The following ARMH4 variants were observed in gnomAD, a reference collection of about 807,000 sequenced individuals.
ARMH4 encodes armadillo-like helical domain-containing protein 4.
ARMH4 carries 49 observed loss-of-function variants against 61.9 expected under a neutral mutation model. That is an observed-to-expected ratio of 0.79 (90% CI 0.63 to 1.00). The LOEUF is 1.00. Ranked by LOEUF, ARMH4 falls within the 50% of genes least tolerant of loss-of-function variation. The pLI is 0.00. For missense variants in ARMH4, 934 were observed against 930.0 expected, an observed-to-expected ratio of 1.00 and a Z score of -0.06; for synonymous variants, 368 against 341.5, an observed-to-expected ratio of 1.08 and a Z score of -0.85.
chr14:58,007,864 A>G (rs1479503021), intron 6 of ARMH4, among the ~76,000 whole-genome samples: 1 of 152,234 alleles, frequency 6.6e-6, no homozygotes, highest in Non-Finnish European at 1.5e-5. Context: ...ATGAGAAAAC[A>G]TCCAACAAAC....
At chr14:58,049,234 G>A (rs1274841484) in intron 5 of ARMH4, among the ~76,000 whole-genome samples, 17 of 140,012 alleles carry the variant, frequency 1.2e-4, no homozygotes, top group Admixed American at 4.4e-4. Context: ...GCAAGACTCC[G>A]TCCCAAAAAA....
chr14:58,049,102 G>A (rs1477515463), intron 5 of ARMH4, among the ~76,000 whole-genome samples: 1 of 151,930 alleles, frequency 6.6e-6, no homozygotes, highest in Non-Finnish European at 1.5e-5. Context: ...AGCCAGGCGT[G>A]GTGGCGGGCA....
chr14:58,140,727 C>T (rs1887516142), intron 1 of ARMH4, among the ~76,000 whole-genome samples: 1 of 151,986 alleles, frequency 6.6e-6, no homozygotes, highest in Admixed American at 6.6e-5. Context: ...ATGGTGAAAC[C>T]CCGTCTTGAC....
intron 5 of ARMH4, among the ~76,000 whole-genome samples, chr14:58,059,702 T>C (rs1171401550): frequency 1.3e-5 from 2 of 152,214 alleles, no homozygotes; most frequent in Non-Finnish European, 2.9e-5. Context: ...TTGTATGGCA[T>C]TTATGGAGAA....
At chr14:58,092,473 A>G (rs1341122651) in intron 5 of ARMH4, among the ~76,000 whole-genome samples, 2 of 152,350 alleles carry the variant, frequency 1.3e-5, no homozygotes, top group South Asian at 2.1e-4. Flanking sequence ...TATGGCTGCT[A>G]TAACAAATTA....
chr14:58,086,457 T>A (rs1885383325), intron 5 of ARMH4, among the ~76,000 whole-genome samples: 1 of 152,176 alleles, frequency 6.6e-6, no homozygotes, highest in Non-Finnish European at 1.5e-5. Flanking sequence ...ACCTGCCATA[T>A]GATAGCTAAG....
At position 58,004,601 on chromosome 14, in the gene ARMH4, C is replaced by T; in HGVS notation, c.*135G>A. The T allele has an allele frequency of 1.4e-6, 1 of 717,812 alleles. No individual in the cohort carries two copies. The highest frequency in any genetic ancestry group is 2.5e-5 in the East Asian group (1 of 40,110). 44.5% of individuals were successfully genotyped at this position (717,812 alleles called of 1,614,324 possible). ...TGCTCAGTACAAGAAAAATCTACTACCCAGCACCCAGCAGACACTAGGACT... is the reference window on the plus strand; with the variant it reads ...TGCTCAGTACAAGAAAAATCTACTATCCAGCACCCAGCAGACACTAGGACT... On this transcript the variant is annotated 3_prime_UTR_variant, in exon 8 of 8. Transcript: ENST00000267485.
At chr14:58,084,652 A>T (rs1160159243) in intron 5 of ARMH4, among the ~76,000 whole-genome samples, 2 of 152,190 alleles carry the variant, frequency 1.3e-5, no homozygotes, top group African/African-American at 4.8e-5. Context: ...ATTATTTCAG[A>T]AAGATTTCAG....
At chr14:58,075,309 T>G (rs1243672085) in intron 5 of ARMH4, among the ~76,000 whole-genome samples, 2 of 152,172 alleles carry the variant, frequency 1.3e-5, no homozygotes, top group South Asian at 2.1e-4. Context: ...TGCACACATA[T>G]GTTTATTGCG....
chr14:58,011,634 T>C (rs1007656373), intron 6 of ARMH4, among the ~76,000 whole-genome samples: 2 of 152,074 alleles, frequency 1.3e-5, no homozygotes, highest in Admixed American at 1.3e-4. Flanking sequence ...TCAATCACTA[T>C]GTAGATGGCA....
intron 5 of ARMH4, among the ~76,000 whole-genome samples, chr14:58,017,776 G>T (rs372314444): frequency 6.6e-6 from 1 of 151,852 alleles, no homozygotes; most frequent in African/African-American, 2.4e-5. Flanking sequence ...AGAGAAAAAC[G>T]ATCTTAAAAT....
At chr14:58,069,351 G>C (rs1413207825) in intron 5 of ARMH4, among the ~76,000 whole-genome samples, 1 of 152,136 alleles carries the variant, frequency 6.6e-6, no homozygotes, top group East Asian at 1.9e-4. Context: ...CATGAATATG[G>C]CATAAATTTT....
intron 6 of ARMH4, among the ~76,000 whole-genome samples, chr14:58,006,565 G>T (rs570261189): frequency 1.2e-4 from 18 of 152,202 alleles, no homozygotes; most frequent in African/African-American, 4.1e-4. Flanking sequence ...TTCACTTAGG[G>T]CAAAATATGG....
At chr14:58,069,765 C>A (rs563513886) in intron 5 of ARMH4, among the ~76,000 whole-genome samples, 32 of 152,274 alleles carry the variant, frequency 2.1e-4, no homozygotes, top group African/African-American at 7.5e-4. Flanking sequence ...GTAGCCAACA[C>A]AAGGATTTCA....
intron 4 of ARMH4, among the ~76,000 whole-genome samples, chr14:58,110,142 A>G (rs1468771509): frequency 6.6e-6 from 1 of 152,228 alleles, no homozygotes; most frequent in Non-Finnish European, 1.5e-5. Flanking sequence ...CCGTATCAAT[A>G]GCTTAAGGTG....
chr14:58,088,973 A>G (rs952877163), intron 5 of ARMH4, among the ~76,000 whole-genome samples: 12 of 152,154 alleles, frequency 7.9e-5, no homozygotes, highest in African/African-American at 2.7e-4. Flanking sequence ...GGTTTAAGAC[A>G]GTTGTTTTAT....
Position 58,043,156 on chromosome 14 carries a change from T to G in ARMH4, c.2090-31006A>C, listed in dbSNP as rs1461197595. Among the ~76,000 whole-genome samples, 8 of 152,036 alleles carry G rather than the reference T, an allele frequency of 5.3e-5. No individual in the cohort carries two copies. In the South Asian group the frequency reaches 1.0e-3, roughly 20 times the overall value. The stretch of plus-strand genomic sequence containing the variant: ...GCCTGGCAGAGACACGACAAAAAAA[T>G]AGAATTTTAGACCAATATCCCTGAA... On this transcript the variant is annotated intron_variant, in intron 5 of 7. Transcript: ENST00000267485.
At chr14:58,091,768 A>G (rs1161328552) in intron 5 of ARMH4, among the ~76,000 whole-genome samples, 1 of 152,188 alleles carries the variant, frequency 6.6e-6, no homozygotes, top group Non-Finnish European at 1.5e-5. Context: ...TGAAAGAAGA[A>G]ATTAATTCTG....
intron 5 of ARMH4, among the ~76,000 whole-genome samples, chr14:58,069,783 G>A (rs955002320): frequency 4.6e-5 from 7 of 152,134 alleles, no homozygotes; most frequent in African/African-American, 1.4e-4. Context: ...TCATTTAAAT[G>A]GGACCATGCT....
Sources: gnomAD v4.1 joint callset for allele counts (sites outside exome capture counted in the v4.1 genomes callset) on GRCh38, gnomAD v4.1.1 for gene constraint, MANE v1.5 for transcripts, NCBI Gene and HGNC (gene_info 2026-07-23, HGNC 2026-07-21) for gene names.